Variants in FAM227B observed in about 807,000 individuals in gnomAD.
FAM227B encodes protein FAM227B.
A neutral mutation model predicts 73.8 loss-of-function variants in FAM227B; 88 were observed. The ratio of observed to expected loss-of-function variants is 1.19; its 90% CI spans 1.00 to 1.42. The LOEUF (loss-of-function observed/expected upper bound fraction) is 1.42, where lower values mean the gene tolerates loss of function less well. Ranked by LOEUF, FAM227B falls within the 40% of genes most tolerant of loss-of-function variation. The pLI, the probability that FAM227B is intolerant of heterozygous loss-of-function variation, is 0.00. For missense variants in FAM227B, 632 were observed against 590.9 expected, an observed-to-expected ratio of 1.07 and a Z score of -0.72; for synonymous variants, 210 against 190.5, an observed-to-expected ratio of 1.10 and a Z score of -0.84.
intron 13 of FAM227B, chr15:49,365,825 C>T (rs2045069154): frequency 1.1e-6 from 1 of 875,250 alleles, no homozygotes; most frequent in Non-Finnish European, 2.0e-6. Flanking sequence ...ATAAGTCTCA[C>T]TTCCATGCTT....
At chr15:49,511,256 G>C (rs1336330932) in intron 10 of FAM227B, among the ~76,000 whole-genome samples, 1 of 151,930 alleles carries the variant, frequency 6.6e-6, no homozygotes, top group Non-Finnish European at 1.5e-5. Context: ...GATCACTGTG[G>C]TCTTCAGTCT....
At chr15:49,424,678 GA>G in intron 11 of FAM227B, 29 of 994,970 alleles carry the variant, frequency 2.9e-5, no homozygotes, top group Non-Finnish European at 3.3e-5. Context: ...TTGCTTCTTG[GA>G]AAAAAAATTA....
At chr15:49,380,702 T>C (rs945973220) in intron 11 of FAM227B, among the ~76,000 whole-genome samples, 2 of 152,082 alleles carry the variant, frequency 1.3e-5, no homozygotes, top group African/African-American at 4.8e-5. Context: ...CCTTTACTTT[T>C]TTTTCTACTT....
At chr15:49,529,521 G>C (rs1375328462) in intron 10 of FAM227B, among the ~76,000 whole-genome samples, 3 of 151,614 alleles carry the variant, frequency 2.0e-5, no homozygotes, top group Non-Finnish European at 3.0e-5. Context: ...ATGTAGGTTT[G>C]ATTTTTTTAA....
At chr15:49,471,484 AAATAATAATAATAATAATAAT>A (rs201297260) in intron 11 of FAM227B, among the ~76,000 whole-genome samples, 118 of 137,850 alleles carry the variant, frequency 8.6e-4, no homozygotes, top group South Asian at 3.1e-3. Context: ...CTCTATCTCA[AAATAATAATAATAATAATAAT>A]AATAATAATA....
intron 9 of FAM227B, 58 bp downstream of exon 9, chr15:49,568,187 T>G (rs964689911): frequency 1.1e-5 from 16 of 1,415,602 alleles, no homozygotes; most frequent in Non-Finnish European, 1.5e-5. Context: ...AAATAACGAT[T>G]TTTTCTATTT....
intron 13 of FAM227B, among the ~76,000 whole-genome samples, chr15:49,362,705 G>A (rs970216566): frequency 3.9e-5 from 6 of 151,936 alleles, no homozygotes; most frequent in African/African-American, 1.2e-4. Context: ...CATTTCCTAC[G>A]TTCAGAATGG....
At position 49,421,635 on chromosome 15, in the gene FAM227B, AG is replaced by A. The variant is rs1465397405; in HGVS notation, c.1013-50237del. 5.9e-5 allele frequency among the ~76,000 whole-genome samples: 9 copies of A among 152,346 alleles called. 1 individual carries two copies. Among genetic ancestry groups the A allele is most frequent in the African/African-American group, 2.2e-4 (9 of 41,586 alleles). ...ACTGATTTCTTGGTTTAAAAACTGTAGGTTCAGTATGGAACAAATGGATTTA... is the reference window on the plus strand; with the variant it reads ...ACTGATTTCTTGGTTTAAAAACTGTAGTTCAGTATGGAACAAATGGATTTA... On this transcript the variant is annotated intron_variant, in intron 11 of 15. Coordinates refer to ENST00000299338, the MANE Select transcript of FAM227B (RefSeq NM_152647.3).
rs2076893043 is a variant in FAM227B at position 49,596,515 on chromosome 15, AC to A, written c.106-6509del. Among the ~76,000 whole-genome samples the A allele has an allele frequency of 3.3e-5, 5 of 151,752 alleles. No individual in the cohort carries two copies. The South Asian group carries it at 1.0e-3, about 32-fold the overall frequency. On this transcript the variant is annotated intron_variant, in intron 3 of 15. Transcript: ENST00000299338. Reference sequence around the variant, plus strand: ...ACAAAACAAAACAAAACAAAATAGAACATCCTTAAGGCATAAATCTCACAGG... The same window carrying A: ...ACAAAACAAAACAAAACAAAATAGAAATCCTTAAGGCATAAATCTCACAGG...
chr15:49,331,439 G>T, intron 15 of FAM227B: 1 of 237,576 alleles, frequency 4.2e-6, no homozygotes, highest in East Asian at 1.0e-4. Flanking sequence ...TAACACAGCT[G>T]TTGGTACCCA....
intron 11 of FAM227B, among the ~76,000 whole-genome samples, chr15:49,505,953 G>A (rs1278338655): frequency 6.6e-6 from 1 of 151,718 alleles, no homozygotes; most frequent in African/African-American, 2.4e-5. Flanking sequence ...GATACGATGT[G>A]AACCATAAGC....
At chr15:49,380,073 G>A (rs565476758) in intron 11 of FAM227B, among the ~76,000 whole-genome samples, 2 of 152,176 alleles carry the variant, frequency 1.3e-5, no homozygotes, top group Non-Finnish European at 1.5e-5. Context: ...GTATTCTATT[G>A]TATTACAGCT....
In FAM227B at chr15:49,620,807, C is replaced by G. The variant is rs914818775; in HGVS notation, c.-180G>C. On this transcript the variant is annotated 5_prime_UTR_variant, in exon 1 of 16. Transcript: ENST00000299338. Reference sequence around the variant, plus strand: ...AAGGCTGCGAGGCTTGAGGCGGGTCCCGGACGAACGCGGCCCTGCCCCTCG... The same window carrying G: ...AAGGCTGCGAGGCTTGAGGCGGGTCGCGGACGAACGCGGCCCTGCCCCTCG... 6.6e-6 allele frequency: 1 copy of G among 152,182 alleles called. No homozygotes were observed. The highest frequency in any genetic ancestry group is 2.1e-4 in the South Asian group (1 of 4,834). 9.4% of individuals were successfully genotyped at this position (152,182 alleles called of 1,614,324 possible). A position where few individuals can be genotyped will look rare whatever the true frequency, so the allele number is the denominator to read the frequency against.
At chr15:49,587,984 T>A (rs1481870895) in intron 5 of FAM227B, 32 bp downstream of exon 5, 2 of 1,400,562 alleles carry the variant, frequency 1.4e-6, no homozygotes, top group African/African-American at 2.9e-5. Context: ...AAAATCCAAC[T>A]TTCAAGGATG....
intron 11 of FAM227B, among the ~76,000 whole-genome samples, chr15:49,495,361 G>A (rs558886280): frequency 4.3e-4 from 66 of 152,226 alleles, no homozygotes; most frequent in African/African-American, 1.4e-3. Context: ...GAATAGTTCC[G>A]TTAAATTTCT....
At chr15:49,462,414 C>G (rs962878839) in intron 11 of FAM227B, among the ~76,000 whole-genome samples, 2 of 152,186 alleles carry the variant, frequency 1.3e-5, no homozygotes, top group Non-Finnish European at 2.9e-5. Context: ...CTTGTACTCA[C>G]TAGAGAGCTG....
At chr15:49,491,060 T>C (rs1341854058) in intron 11 of FAM227B, among the ~76,000 whole-genome samples, 1 of 151,978 alleles carries the variant, frequency 6.6e-6, no homozygotes, top group African/African-American at 2.4e-5. Flanking sequence ...CTCACTTTTA[T>C]ACTCAAAATT....
At chr15:49,492,530 T>C (rs959479662) in intron 11 of FAM227B, among the ~76,000 whole-genome samples, 3 of 151,928 alleles carry the variant, frequency 2.0e-5, no homozygotes, top group Non-Finnish European at 4.4e-5. Flanking sequence ...GTCACTCAAC[T>C]AGCTATTCAT....
At chr15:49,510,651 T>C (rs2058926941) in intron 10 of FAM227B, among the ~76,000 whole-genome samples, 2 of 152,128 alleles carry the variant, frequency 1.3e-5, no homozygotes, top group Admixed American at 1.3e-4. Context: ...ATTTTGGAGA[T>C]TCAATTTACA....
Sources: allele counts gnomAD v4.1 joint callset (sites outside exome capture counted in the v4.1 genomes callset), GRCh38; gene constraint gnomAD v4.1.1; transcripts MANE v1.5; gene names NCBI Gene and HGNC (gene_info 2026-07-23, HGNC 2026-07-21).